The following CRACDL variants were observed in gnomAD, a reference collection of about 807,000 sequenced individuals.
CRACDL encodes CRACD like.
A neutral mutation model predicts 70.6 loss-of-function variants in CRACDL; 26 were observed. That is an observed-to-expected ratio of 0.37 (90% CI 0.27 to 0.51). CRACDL has a LOEUF of 0.51. CRACDL is among the 20% of genes least tolerant of loss of function. The pLI is 0.94. For missense variants in CRACDL, 1,283 were observed against 1,376.9 expected, an observed-to-expected ratio of 0.93 and a Z score of 1.08; for synonymous variants, 618 against 615.2, an observed-to-expected ratio of 1.00 and a Z score of -0.07.
chr2:98,883,100 C>T (rs182020147), intron 1 of CRACDL, among the ~76,000 whole-genome samples: 2 of 152,294 alleles, frequency 1.3e-5, no homozygotes, highest in Middle Eastern at 3.4e-3. Flanking sequence ...CATAGGCAGA[C>T]CCAGGTAGTG....
chr2:98,912,080 G>A (rs962223101), intron 1 of CRACDL, among the ~76,000 whole-genome samples: 34 of 152,342 alleles, frequency 2.2e-4, no homozygotes, highest in African/African-American at 7.7e-4. Context: ...AATGAGCAGA[G>A]AGTGACAAGT....
chr2:98,805,555 C>T (rs987494455), intron 7 of CRACDL, among the ~76,000 whole-genome samples: 1 of 152,156 alleles, frequency 6.6e-6, no homozygotes, highest in Non-Finnish European at 1.5e-5. Context: ...CACACAATCT[C>T]CCTCCTCCTC....
At chr2:98,843,224 T>C (rs987855323) in intron 2 of CRACDL, among the ~76,000 whole-genome samples, 3 of 152,154 alleles carry the variant, frequency 2.0e-5, no homozygotes, top group Non-Finnish European at 4.4e-5. Context: ...TAAAATTTGC[T>C]CCCCATTTTG....
Position 98,822,760 on chromosome 2 carries a change from C to T in CRACDL, c.1513G>A (p.Ala505Thr). 1.6e-6 allele frequency: 2 copies of T among 1,268,780 alleles called. No homozygotes were observed. Among genetic ancestry groups the T allele is most frequent in the African/African-American group, 1.5e-5 (1 of 64,542 alleles). The allele number at this position is 1,268,780 out of a possible 1,614,324, so 78.6% of individuals were successfully genotyped here. A position where few individuals can be genotyped will look rare whatever the true frequency, so the allele number is the denominator to read the frequency against. ...GGGGACGCGGCGGGGCCCTCGCTGG[C>T]GGCCGCGGGCCGGTGTTTCAGGCAG... ...KSCLKHRPAA[A>T]SEGPAASPPL... Residue 505 changes from alanine (A) to threonine (T), a missense_variant, in exon 7 of 10, where the codon GCC becomes ACC. By Grantham distance (58) the Ala-to-Thr change is moderately conservative. Around this residue, in one of 2 missense-constraint regions of CRACDL, gnomAD observed 921 missense variants for 881.9 expected, o/e 1.04. Transcript: ENST00000397899. The surrounding 1 kb of genome is among the most constrained non-coding windows in gnomAD (Gnocchi z 4.9).
intron 1 of CRACDL, among the ~76,000 whole-genome samples, chr2:98,902,098 G>A (rs919493489): frequency 2.0e-5 from 3 of 152,206 alleles, no homozygotes; most frequent in African/African-American, 7.2e-5. Context: ...ACCAGGGCTA[G>A]TGACTCTGAC....
chr2:98,867,221 A>T (rs886600751), intron 1 of CRACDL, among the ~76,000 whole-genome samples: 7 of 152,212 alleles, frequency 4.6e-5, no homozygotes, highest in Non-Finnish European at 1.0e-4. Flanking sequence ...TCTTATATAA[A>T]CTACACTATT....
chr2:98,851,061 T>G (rs563582299), intron 1 of CRACDL, among the ~76,000 whole-genome samples: 2 of 152,302 alleles, frequency 1.3e-5, no homozygotes, highest in South Asian at 4.1e-4. Flanking sequence ...AGCTTTAGTG[T>G]TCACCCTACA....
intron 7 of CRACDL, among the ~76,000 whole-genome samples, chr2:98,811,322 C>G (rs1704547658): frequency 6.6e-6 from 1 of 151,428 alleles, no homozygotes; most frequent in Non-Finnish European, 1.5e-5. Context: ...CCATCCTGGC[C>G]AACATGGTGA....
At chr2:98,875,354 T>C (rs1707457999) in intron 1 of CRACDL, among the ~76,000 whole-genome samples, 1 of 152,246 alleles carries the variant, frequency 6.6e-6, no homozygotes, top group African/African-American at 2.4e-5. Context: ...CACTTCCCTG[T>C]GCTTCTTCAC....
At chr2:98,889,313 A>AAG (rs780240426) in intron 1 of CRACDL, among the ~76,000 whole-genome samples, 16 of 57,972 alleles carry the variant, frequency 2.8e-4, no homozygotes, top group African/African-American at 6.0e-4. Context: ...GAAAGAAAGA[A>AAG]AGAAAGAAAG....
chr2:98,825,539 A>G (rs922156089), intron 6 of CRACDL, among the ~76,000 whole-genome samples: 4 of 152,338 alleles, frequency 2.6e-5, no homozygotes, highest in Middle Eastern at 3.4e-3. Flanking sequence ...GGCTGGCTAT[A>G]AACGCCCTGG....
At chr2:98,918,324 G>C (rs532836070) in intron 1 of CRACDL, among the ~76,000 whole-genome samples, 2 of 152,044 alleles carry the variant, frequency 1.3e-5, no homozygotes, top group South Asian at 4.1e-4. Flanking sequence ...CTTGAGTTCA[G>C]GAGTTCGAGA....
chr2:98,880,648 G>A (rs116615327), intron 1 of CRACDL, among the ~76,000 whole-genome samples: 2,698 of 152,184 alleles, frequency 0.018, 86 homozygotes, highest in African/African-American at 0.061. Context: ...CTCTGGCCGC[G>A]AGGTCAGGTG....
intron 7 of CRACDL, chr2:98,809,922 GACTCA>G (rs1343937888): frequency 1.3e-5 from 2 of 152,152 alleles, no homozygotes; most frequent in Non-Finnish European, 2.9e-5. Flanking sequence ...AGGAAATTAA[GACTCA>G]GAGTTTACAA....
intron 5 of CRACDL, among the ~76,000 whole-genome samples, chr2:98,830,451 C>T (rs1191533449): frequency 6.6e-6 from 1 of 152,180 alleles, no homozygotes; most frequent in Non-Finnish European, 1.5e-5. Flanking sequence ...ACATCAAATA[C>T]CACATATTCT....
intron 7 of CRACDL, among the ~76,000 whole-genome samples, chr2:98,805,031 T>C (rs1043090025): frequency 6.6e-6 from 1 of 152,176 alleles, no homozygotes; most frequent in African/African-American, 2.4e-5. Context: ...TTTTTGAATC[T>C]TTCTCTCCAG....
At chr2:98,846,604 G>A (rs1245719827) in intron 2 of CRACDL, 127 bp downstream of exon 2, 2 of 722,418 alleles carry the variant, frequency 2.8e-6, no homozygotes, top group African/African-American at 3.5e-5. Context: ...GGGGGTATCT[G>A]AGCACACTGG....
chr2:98,867,544 A>T (rs1707195370), intron 1 of CRACDL, among the ~76,000 whole-genome samples: 1 of 152,266 alleles, frequency 6.6e-6, no homozygotes, highest in Non-Finnish European at 1.5e-5. Flanking sequence ...TAGACTAAAA[A>T]AAAAACTATC....
At chr2:98,826,122 C>G (rs1705291828) in intron 6 of CRACDL, among the ~76,000 whole-genome samples, 1 of 152,200 alleles carries the variant, frequency 6.6e-6, no homozygotes, top group African/African-American at 2.4e-5. Context: ...CTATGTGAAC[C>G]TCGAACCTGC....
Sources: allele counts gnomAD v4.1 joint callset (sites outside exome capture counted in the v4.1 genomes callset), GRCh38; gene constraint gnomAD v4.1.1; regional missense constraint gnomAD v4.1.1; non-coding constraint Gnocchi (gnomAD v3.1); transcripts MANE v1.5; gene names NCBI Gene and HGNC (gene_info 2026-07-23, HGNC 2026-07-21).